Variants in PGCKA1 observed in about 807,000 individuals in gnomAD.
PGCKA1 encodes the protein PDCD10 and GCKIII kinases associated 1.
At chr4:37,561,974 A>G in the PGCKA1 span, among the ~76,000 whole-genome samples, 1 of 152,218 alleles carries the variant, frequency 6.6e-6, no homozygotes, top group Non-Finnish European at 1.5e-5. Flanking sequence ...TCTTGCACCT[A>G]GGACCACTAG....
At chr4:37,537,136 C>T in the PGCKA1 span, among the ~76,000 whole-genome samples, 1 of 152,216 alleles carries the variant, frequency 6.6e-6, no homozygotes, top group Non-Finnish European at 1.5e-5. Context: ...TCTTAAGGCT[C>T]ATAAGATATA....
At chr4:37,583,972 A>C in the PGCKA1 span, among the ~76,000 whole-genome samples, 2 of 152,212 alleles carry the variant, frequency 1.3e-5, no homozygotes, top group Admixed American at 1.3e-4. Flanking sequence ...TAGACTGCTC[A>C]TTTTGAACCC....
the PGCKA1 span, among the ~76,000 whole-genome samples, chr4:37,459,834 A>G: frequency 7.4e-6 from 1 of 136,040 alleles, no homozygotes; most frequent in African/African-American, 2.8e-5. Flanking sequence ...TTTTTTTTTT[A>G]ATTTTATTTT....
the PGCKA1 span, among the ~76,000 whole-genome samples, chr4:37,483,852 G>A: frequency 6.6e-5 from 10 of 152,310 alleles, no homozygotes; most frequent in South Asian, 2.1e-3. Flanking sequence ...GGGCTGGGAG[G>A]TGAGCAGTTT....
the PGCKA1 span, among the ~76,000 whole-genome samples, chr4:37,565,014 A>G: frequency 6.6e-6 from 1 of 151,568 alleles, no homozygotes; most frequent in Non-Finnish European, 1.5e-5. Context: ...ATTCATTAAC[A>G]AACTACATCT....
At chr4:37,512,909 A>G in the PGCKA1 span, among the ~76,000 whole-genome samples, 7 of 152,060 alleles carry the variant, frequency 4.6e-5, no homozygotes, top group Admixed American at 4.6e-4. Context: ...ACCAACATGG[A>G]AAAACCCCAT....
the PGCKA1 span, among the ~76,000 whole-genome samples, chr4:37,524,681 C>A: frequency 2.6e-5 from 4 of 152,162 alleles, no homozygotes; most frequent in African/African-American, 9.7e-5. Flanking sequence ...TACTTAATAA[C>A]CAAGAGTGGT....
chr4:37,527,808 G>A, the PGCKA1 span, among the ~76,000 whole-genome samples: 12 of 147,702 alleles, frequency 8.1e-5, no homozygotes, highest in African/African-American at 2.6e-4. Context: ...CCAGCCTGGC[G>A]ACAGAGCAAG....
At chr4:37,503,204 G>T in the PGCKA1 span, among the ~76,000 whole-genome samples, 3 of 152,150 alleles carry the variant, frequency 2.0e-5, no homozygotes, top group Admixed American at 6.5e-5. Flanking sequence ...AGAGCAGATT[G>T]CTCCTTGCCA....
At chr4:37,464,016 A>C in the PGCKA1 span, among the ~76,000 whole-genome samples, 3 of 152,176 alleles carry the variant, frequency 2.0e-5, no homozygotes, top group African/African-American at 7.2e-5. Flanking sequence ...CGCGCCCATA[A>C]GTCAGAAATT....
the PGCKA1 span, among the ~76,000 whole-genome samples, chr4:37,589,285 G>A: frequency 2.6e-5 from 4 of 152,166 alleles, no homozygotes; most frequent in Non-Finnish European, 4.4e-5. Flanking sequence ...AAGAAAAAGG[G>A]TAACTGATGA....
At chr4:37,525,891 A>G in the PGCKA1 span, among the ~76,000 whole-genome samples, 1 of 152,236 alleles carries the variant, frequency 6.6e-6, no homozygotes. Flanking sequence ...CCATTCATTA[A>G]TTCATATCTT....
the PGCKA1 span, among the ~76,000 whole-genome samples, chr4:37,553,408 TTAGAAGG>T: frequency 6.3e-4 from 96 of 152,316 alleles, no homozygotes; most frequent in Middle Eastern, 3.4e-3. Flanking sequence ...TAGTTTCATC[TTAGAAGG>T]ACTTCTTTGT....
At chr4:37,502,741 G>A in the PGCKA1 span, among the ~76,000 whole-genome samples, 30 of 152,266 alleles carry the variant, frequency 2.0e-4, no homozygotes, top group South Asian at 6.2e-3. Flanking sequence ...CTGCAGGAGG[G>A]AGTAGGCAGG....
chr4:37,510,646 A>C, the PGCKA1 span, among the ~76,000 whole-genome samples: 1 of 152,082 alleles, frequency 6.6e-6, no homozygotes, highest in African/African-American at 2.4e-5. Flanking sequence ...CTAGGACTGC[A>C]CTGGGTCAGA....
the PGCKA1 span, among the ~76,000 whole-genome samples, chr4:37,545,493 A>C: frequency 2.0e-5 from 3 of 152,230 alleles, no homozygotes; most frequent in African/African-American, 7.2e-5. Context: ...TTCTTATTTT[A>C]GTCCTCCATA....
chr4:37,510,865 A>G, the PGCKA1 span, among the ~76,000 whole-genome samples: 1 of 151,544 alleles, frequency 6.6e-6, no homozygotes, highest in Non-Finnish European at 1.5e-5. Context: ...CAAAAACCTT[A>G]GAGATCTACC....
the PGCKA1 span, among the ~76,000 whole-genome samples, chr4:37,540,079 T>C: frequency 6.6e-6 from 1 of 152,218 alleles, no homozygotes; most frequent in Non-Finnish European, 1.5e-5. Flanking sequence ...GTATAGAATT[T>C]GTATGCAGAT....
chr4:37,542,329 G>C, the PGCKA1 span, among the ~76,000 whole-genome samples: 6 of 152,186 alleles, frequency 3.9e-5, no homozygotes, highest in Admixed American at 3.3e-4. Context: ...ACCGTATCAG[G>C]AGAAGAAATA....
Sources: allele counts gnomAD v4.1 joint callset (sites outside exome capture counted in the v4.1 genomes callset), GRCh38; gene constraint gnomAD v4.1.1; transcripts MANE v1.5; gene names NCBI Gene and HGNC (gene_info 2026-07-23, HGNC 2026-07-21).